The following TREML2 variants were observed in gnomAD, a reference collection of about 807,000 sequenced individuals.
The protein encoded by TREML2 is triggering receptor expressed on myeloid cells like 2, also known as trem-like transcript 2 protein.
In TREML2, 24 loss-of-function variants were observed where a neutral mutation model predicts 25.9. The observed-to-expected ratio is 0.93, with a 90% CI of 0.67 to 1.30. TREML2 has a LOEUF of 1.30. Among genes scored for constraint, TREML2 ranks in the 50% most tolerant of loss-of-function variants. The pLI, the probability that TREML2 is intolerant of heterozygous loss-of-function variation, is 0.00. For synonymous variants in TREML2, 139 were observed against 155.2 expected (o/e 0.90, Z 0.77); for missense variants, 359 against 395.6 (o/e 0.91, Z 0.78).
chr6:41,198,409 A>G lies in TREML2; in HGVS notation c.76T>C (p.Tyr26His). 2 of 1,612,532 alleles carry G rather than the reference A, an allele frequency of 1.2e-6. No individual in the cohort carries two copies. Among genetic ancestry groups the G allele is most frequent in the Non-Finnish European group, 8.5e-7 (1 of 1,178,662 alleles). ...CVSGPSADSV[Y>H]TKVRLLEGET... ...CCTTCAAGGAGCCTCACTTTTGTGT[A>G]TACACTGTCAGCAGAGGGGCCTGTG... The change falls in exon 2 of 5, where the codon TAC becomes CAC. Residue 26 changes from tyrosine to histidine, a missense_variant. Transcript: ENST00000483722.
At chr6:41,197,061 C>A (rs1018865151) in intron 2 of TREML2, among the ~76,000 whole-genome samples, 1 of 152,240 alleles carries the variant, frequency 6.6e-6, no homozygotes, top group Admixed American at 6.5e-5. Flanking sequence ...CTCAACTGAG[C>A]AAATCCTGTC....
rs369004211 is a variant in TREML2, at chr6:41,190,693, G to A, written c.*1734C>T. ...TGGGCATCTCACTCAGAGGAAGCAG[G>A]GCCATCAGTGGTACTGGTGCCAGCT... is the stretch of plus-strand genomic sequence containing the variant. On this transcript the variant is annotated 3_prime_UTR_variant, in exon 5 of 5. Coordinates refer to ENST00000483722, the MANE Select transcript of TREML2 (RefSeq NM_024807.4). 56 of 152,292 alleles carry A rather than the reference G, an allele frequency of 3.7e-4. No homozygotes were observed. The highest frequency in any genetic ancestry group is 1.3e-3 in the African/African-American group (53 of 41,526). The allele number at this position is 152,292 out of a possible 1,614,324, so 9.4% of individuals were successfully genotyped here. A position where few individuals can be genotyped will look rare whatever the true frequency, so the allele number is the denominator to read the frequency against.
In TREML2 at chr6:41,191,410, C is replaced by CCGT. The variant is rs1360529269; in HGVS notation, c.*1014_*1016dup. On this transcript the variant is annotated 3_prime_UTR_variant, in exon 5 of 5. Coordinates refer to ENST00000483722, the MANE Select transcript of TREML2 (RefSeq NM_024807.4). ...CCCCTGCCTGGGCCAGTCCTCCAGG[C>CCGT]CGTGGTCAGTTCCAAGTTACTGTCT... 3 of 152,340 alleles carry CCGT rather than the reference C, an allele frequency of 2.0e-5. No individual in the cohort carries two copies. Among genetic ancestry groups the CCGT allele is most frequent in the Admixed American group, 1.3e-4 (2 of 15,286 alleles). The allele number at this position is 152,340 out of a possible 1,614,324, so 9.4% of individuals were successfully genotyped here.
At chr6:41,196,826 C>T (rs1766175311) in intron 2 of TREML2, among the ~76,000 whole-genome samples, 1 of 152,214 alleles carries the variant, frequency 6.6e-6, no homozygotes, top group Non-Finnish European at 1.5e-5. Context: ...CAGCTCTGAC[C>T]TCTCACCCTA....
chr6:41,190,663 C>T lies in TREML2; in HGVS notation c.*1764G>A, dbSNP rs1766037522. 6.6e-6 allele frequency: 1 copy of T among 152,236 alleles called. No homozygotes were observed. Among genetic ancestry groups the T allele is most frequent in the Non-Finnish European group, 1.5e-5 (1 of 68,058 alleles). 9.4% of individuals were successfully genotyped at this position (152,236 alleles called of 1,614,324 possible). A position where few individuals can be genotyped will look rare whatever the true frequency, so the allele number is the denominator to read the frequency against. ...CCCTGACTTCTTCCCTAGGGCTCCT[C>T]CTCCTGGGCATCTCACTCAGAGGAA... On this transcript the variant is annotated 3_prime_UTR_variant, in exon 5 of 5. Transcript: ENST00000483722.
Position 41,198,165 on chromosome 6 carries a change from C to G in TREML2, c.320G>C (p.Arg107Pro). ...LQDSGRYWCMRNTSGILYPLM... is the reference protein window; with the variant it reads ...LQDSGRYWCMPNTSGILYPLM... ...GGGGTACAGGATCCCAGAGGTGTTG[C>G]GCATGCACCAGTATCGGCCTGAGTC... Residue 107 changes from arginine to proline, a missense_variant, in exon 2 of 5, where the codon CGC (arginine) becomes CCC (proline). Transcript: ENST00000483722. 1 of 1,613,762 alleles carries G rather than the reference C, an allele frequency of 6.2e-7. No individual in the cohort carries two copies. The highest frequency in any genetic ancestry group is 8.5e-7 in the Non-Finnish European group (1 of 1,179,688).
intron 2 of TREML2, among the ~76,000 whole-genome samples, chr6:41,195,731 G>A (rs148406596): frequency 6.4e-4 from 98 of 152,360 alleles, no homozygotes; most frequent in African/African-American, 2.1e-3. Context: ...TCACACATCA[G>A]TGCCTTGGGA....
Position 41,194,427 on chromosome 6 carries a change from G to C in TREML2, c.783C>G (p.Ile261Met), listed in dbSNP as rs773665047. 1.9e-6 allele frequency: 3 copies of C among 1,560,300 alleles called. No individual in the cohort carries two copies. The highest frequency in any genetic ancestry group is 2.4e-5 in the East Asian group (1 of 41,954). ...LLNRLPSMPS[I>M]RHQDVYSTVL... ...TCAACCCCAGGCCCCACAGGTACCT[G>C]ATGGAGGGCATGGAGGGTAGTCTGT... Residue 261 changes from isoleucine (I) to methionine (M), a missense_variant and splice_region_variant, in exon 3 of 5, where the codon ATC (isoleucine) becomes ATG (methionine). By Grantham distance (10) the Ile-to-Met change is conservative. Transcript: ENST00000483722.
At chr6:41,193,413 T>C (rs1766101903) in intron 3 of TREML2, among the ~76,000 whole-genome samples, 2 of 152,148 alleles carry the variant, frequency 1.3e-5, no homozygotes, top group African/African-American at 4.8e-5. Context: ...AGCCCTCTAC[T>C]GATAACCAAT....
chr6:41,200,275 G>C (rs1454335246), intron 1 of TREML2, among the ~76,000 whole-genome samples: 1 of 152,244 alleles, frequency 6.6e-6, no homozygotes, highest in Non-Finnish European at 1.5e-5. Context: ...GTGGGAAGCT[G>C]TTTCTCTACC....
Position 41,201,106 on chromosome 6 carries a change from G to A in TREML2, c.-98C>T, listed in dbSNP as rs1411081694. On this transcript the variant is annotated 5_prime_UTR_variant, in exon 1 of 5. Transcript: ENST00000483722. ...CTGGGCCTGCCAGGGAAGGACCCGG[G>A]GTTCTAAAAGTGAAGCTGCCCATTT... 7.0e-7 allele frequency: 1 copy of A among 1,419,738 alleles called. No homozygotes were observed. The allele number at this position is 1,419,738 out of a possible 1,614,324, so 87.9% of individuals were successfully genotyped here.
Position 41,194,767 on chromosome 6 carries a change from G to C in TREML2, c.443C>G (p.Thr148Arg). ...LDNILKSGTV[T>R]TGQAPTSGPD... ...GCCTGAGGTAGGGGCTTGGCCAGTTGTGACAGTTCCACTCTTGAGGATGTT... is the reference window on the plus strand; with the variant it reads ...GCCTGAGGTAGGGGCTTGGCCAGTTCTGACAGTTCCACTCTTGAGGATGTT... The change falls in exon 3 of 5, where the codon ACA becomes AGA. Residue 148 changes from threonine to arginine, a missense_variant. Coordinates refer to ENST00000483722, the MANE Select transcript of TREML2 (RefSeq NM_024807.4). 8.1e-6 allele frequency: 13 copies of C among 1,612,070 alleles called. No homozygotes were observed. Among genetic ancestry groups the C allele is most frequent in the Non-Finnish European group, 1.1e-5 (13 of 1,178,986 alleles).
chr6:41,193,967 C>T (rs897344568), intron 3 of TREML2, among the ~76,000 whole-genome samples: 2 of 138,390 alleles, frequency 1.4e-5, no homozygotes, highest in African/African-American at 5.4e-5. Context: ...GCCCTCATCC[C>T]TGCAACCCTC....
At chr6:41,200,291 G>C (rs891691687) in intron 1 of TREML2, among the ~76,000 whole-genome samples, 2 of 152,208 alleles carry the variant, frequency 1.3e-5, no homozygotes, top group Non-Finnish European at 2.9e-5. Context: ...CTACCCTCTG[G>C]GAGGTGCAGA....
In TREML2 at chr6:41,190,505, A is replaced by G. The variant is rs1198778377; in HGVS notation, c.*1922T>C. ...GCATTTGCATCATTGTACAATGCTAATGTTATTTTATCTTGAAAACAATCT... is the reference window on the plus strand; with the variant it reads ...GCATTTGCATCATTGTACAATGCTAGTGTTATTTTATCTTGAAAACAATCT... On this transcript the variant is annotated 3_prime_UTR_variant, in exon 5 of 5. Transcript: ENST00000483722. 1 of 152,244 alleles carries G rather than the reference A, an allele frequency of 6.6e-6. No homozygotes were observed. Among genetic ancestry groups the G allele is most frequent in the African/African-American group, 2.4e-5 (1 of 41,464 alleles). The allele number at this position is 152,244 out of a possible 1,614,324, so 9.4% of individuals were successfully genotyped here. A position where few individuals can be genotyped will look rare whatever the true frequency, so the allele number is the denominator to read the frequency against.
chr6:41,198,501 C>A, intron 1 of TREML2, 72 bp from the exon 2 acceptor site: 2 of 1,457,330 alleles, frequency 1.4e-6, no homozygotes, highest in South Asian at 1.3e-5. Context: ...AGTTGAAGAT[C>A]ATGGTGAAGG....
rs745746994 is a variant in TREML2, at chr6:41,198,108, C to T, written c.376+1G>A. The T allele has an allele frequency of 2.5e-5, 40 of 1,587,244 alleles. No homozygotes were observed. The highest frequency in any genetic ancestry group is 3.2e-5 in the Non-Finnish European group (37 of 1,163,010). ...TCCCAGAGCCACTGCAGCCTGCTCACCTGGAGACACATCCAGCTGGAAGCC... is the reference window on the plus strand; with the variant it reads ...TCCCAGAGCCACTGCAGCCTGCTCATCTGGAGACACATCCAGCTGGAAGCC... On this transcript the variant is annotated splice_donor_variant, in intron 2 of 4. Transcript: ENST00000483722. LOFTEE classifies it high-confidence loss of function.
intron 2 of TREML2, 69 bp downstream of exon 2, chr6:41,198,040 T>G: frequency 7.1e-7 from 1 of 1,400,706 alleles, no homozygotes; most frequent in Non-Finnish European, 9.6e-7. Context: ...TTATTATCTC[T>G]GATGTTAGTG....
chr6:41,193,696 T>A (rs1766106920), intron 3 of TREML2, among the ~76,000 whole-genome samples: 1 of 151,420 alleles, frequency 6.6e-6, no homozygotes, highest in Non-Finnish European at 1.5e-5. Context: ...ATGAGGCGCA[T>A]CCTTGCCCTA....
Sources: allele counts gnomAD v4.1 joint callset (sites outside exome capture counted in the v4.1 genomes callset), GRCh38; gene constraint gnomAD v4.1.1; transcripts MANE v1.5; gene names NCBI Gene and HGNC (gene_info 2026-07-23, HGNC 2026-07-21).